Variants in TRHDE observed in about 807,000 individuals in gnomAD.
TRHDE encodes thyrotropin releasing hormone degrading enzyme, also known as thyrotropin-releasing hormone-degrading ectoenzyme.
TRHDE carries 72 observed loss-of-function variants against 125.7 expected under a neutral mutation model. The observed-to-expected ratio is 0.57, with a 90% confidence interval of 0.47 to 0.70. The LOEUF (loss-of-function observed/expected upper bound fraction) is 0.70. Ranked by LOEUF, TRHDE falls within the 30% of genes least tolerant of loss-of-function variation. The probability of loss-of-function intolerance (pLI) is 0.00; values close to 1 mark genes in which losing one functional copy is unlikely to be tolerated. For synonymous variants in TRHDE, 509 were observed against 509.1 expected (o/e 1.00, Z 0.00); for missense variants, 1,110 against 1,327.1 (o/e 0.84, Z 2.54).
At chr12:72,540,154 A>G (rs1422997244) in intron 6 of TRHDE, among the ~76,000 whole-genome samples, 1 of 151,780 alleles carries the variant, frequency 6.6e-6, no homozygotes. Context: ...TCTATAAAAT[A>G]AGGATTTTTG....
intron 2 of TRHDE, 87 bp from the exon 3 acceptor site, chr12:72,377,908 A>G (rs906666778): frequency 1.1e-6 from 1 of 941,718 alleles, no homozygotes; most frequent in African/African-American, 1.7e-5. Context: ...TAGTATTCTA[A>G]GTGATTTGTG....
At chr12:72,640,352 C>A (rs1336905134) in intron 15 of TRHDE, among the ~76,000 whole-genome samples, 1 of 152,208 alleles carries the variant, frequency 6.6e-6, no homozygotes, top group African/African-American at 2.4e-5. Context: ...AATGCCTCGC[C>A]CTGCTTTGGC....
At chr12:72,541,164 A>G (rs896503367) in intron 6 of TRHDE, among the ~76,000 whole-genome samples, 14 of 151,576 alleles carry the variant, frequency 9.2e-5, no homozygotes, top group Admixed American at 8.6e-4. Flanking sequence ...GCAGTTGTAC[A>G]TTTGTACTGA....
intron 17 of TRHDE, among the ~76,000 whole-genome samples, chr12:72,655,576 C>G (rs1378032862): frequency 6.6e-6 from 1 of 152,148 alleles, no homozygotes; most frequent in Non-Finnish European, 1.5e-5. Context: ...CCTCTCTGAG[C>G]ACTGTGTATA....
intron 2 of TRHDE, among the ~76,000 whole-genome samples, chr12:72,316,683 G>A (rs775046860): frequency 8.5e-5 from 13 of 152,100 alleles, no homozygotes; most frequent in Non-Finnish European, 1.6e-4. Flanking sequence ...TCACTGATAT[G>A]GCTCTAAAAT....
chr12:72,597,407 C>T (rs539908783), intron 12 of TRHDE, among the ~76,000 whole-genome samples: 1 of 151,852 alleles, frequency 6.6e-6, no homozygotes, highest in Non-Finnish European at 1.5e-5. Context: ...GTGGCTCATG[C>T]CTGTGATCCC....
At chr12:72,362,959 T>G (rs1311970372) in intron 2 of TRHDE, among the ~76,000 whole-genome samples, 1 of 152,092 alleles carries the variant, frequency 6.6e-6, no homozygotes, top group Non-Finnish European at 1.5e-5. Flanking sequence ...GCTGTTTTGG[T>G]TACTGTAGAC....
chr12:72,259,933 T>C (rs4277155), intron 2 of TRHDE, among the ~76,000 whole-genome samples: 34,618 of 152,156 alleles, frequency 0.23, 5,563 homozygotes, highest in African/African-American at 0.46. Flanking sequence ...ATCATGTAAA[T>C]GTAGTGAATT....
At chr12:72,589,109 CT>C (rs1429879522) in intron 12 of TRHDE, among the ~76,000 whole-genome samples, 1 of 152,100 alleles carries the variant, frequency 6.6e-6, no homozygotes, top group Non-Finnish European at 1.5e-5. Context: ...ACGATATCAC[CT>C]GGTAAGGATC....
chr12:72,667,799 T>A lies in TRHDE; in HGVS notation c.*4604T>A, dbSNP rs1158327225. 1 of 151,724 alleles carries A rather than the reference T, an allele frequency of 6.6e-6. No homozygotes were observed. The highest frequency in any genetic ancestry group is 2.4e-5 in the African/African-American group (1 of 41,412). The allele number at this position is 151,724 out of a possible 1,614,324, so 9.4% of individuals were successfully genotyped here. A position where few individuals can be genotyped will look rare whatever the true frequency, so the allele number is the denominator to read the frequency against. ...TAATAAAATAATAGAGTTTAAACTC[T>A]AATAATTGGAATATAAATTGGGATG... On this transcript the variant is annotated 3_prime_UTR_variant, in exon 19 of 19. Coordinates refer to ENST00000261180, the MANE Select transcript of TRHDE (RefSeq NM_013381.3).
At chr12:72,514,449 A>C (rs1404134383) in intron 6 of TRHDE, among the ~76,000 whole-genome samples, 2 of 152,086 alleles carry the variant, frequency 1.3e-5, no homozygotes, top group African/African-American at 4.8e-5. Flanking sequence ...AGAATATAGT[A>C]AATATGACAG....
At chr12:72,471,689 A>G (rs976401467) in intron 4 of TRHDE, among the ~76,000 whole-genome samples, 1 of 152,220 alleles carries the variant, frequency 6.6e-6, no homozygotes, top group South Asian at 2.1e-4. Context: ...TTTTTATTTA[A>G]AAAATTATTA....
intron 2 of TRHDE, among the ~76,000 whole-genome samples, chr12:72,184,427 C>T (rs1220105519): frequency 6.6e-6 from 1 of 152,170 alleles, no homozygotes; most frequent in Non-Finnish European, 1.5e-5. Flanking sequence ...TGTTTAATTA[C>T]TGCAGAGGTT....
chr12:72,345,356 A>C (rs1318630977), intron 2 of TRHDE, among the ~76,000 whole-genome samples: 9 of 152,116 alleles, frequency 5.9e-5, no homozygotes, highest in African/African-American at 2.2e-4. Context: ...CCAGTTACTA[A>C]CATGATGTCA....
intron 3 of TRHDE, among the ~76,000 whole-genome samples, chr12:72,426,184 A>C (rs776095537): frequency 6.6e-6 from 1 of 152,132 alleles, no homozygotes; most frequent in Non-Finnish European, 1.5e-5. Context: ...CTAAATAAAC[A>C]TATGTCTGAT....
chr12:72,141,894 A>C (rs1319139978), intron 2 of TRHDE, among the ~76,000 whole-genome samples: 4 of 152,154 alleles, frequency 2.6e-5, no homozygotes, highest in Non-Finnish European at 5.9e-5. Context: ...CAATTATCAC[A>C]TTCCTCTTTT....
intron 2 of TRHDE, among the ~76,000 whole-genome samples, chr12:72,183,146 T>G (rs74103618): frequency 6.6e-6 from 1 of 152,286 alleles, no homozygotes; most frequent in African/African-American, 2.4e-5. Context: ...GGATGAAAAC[T>G]CTCCTCTTTA....
intron 6 of TRHDE, among the ~76,000 whole-genome samples, chr12:72,502,412 G>C (rs534137221): frequency 6.6e-6 from 1 of 151,806 alleles, no homozygotes; most frequent in Non-Finnish European, 1.5e-5. Context: ...TAATTGCCTC[G>C]TGTCTTATTC....
At chr12:72,405,603 A>G (rs1873232915) in intron 3 of TRHDE, among the ~76,000 whole-genome samples, 1 of 152,166 alleles carries the variant, frequency 6.6e-6, no homozygotes, top group African/African-American at 2.4e-5. Flanking sequence ...CTGTTCTCCA[A>G]GTGCTTGGAC....
Sources: gnomAD v4.1 joint callset for allele counts (sites outside exome capture counted in the v4.1 genomes callset) on GRCh38, gnomAD v4.1.1 for gene constraint, MANE v1.5 for transcripts, NCBI Gene and HGNC (gene_info 2026-07-23, HGNC 2026-07-21) for gene names.